The following M1AP variants were observed in gnomAD, a reference collection of about 807,000 sequenced individuals.
M1AP encodes the protein meiosis 1 associated protein.
A neutral mutation model predicts 51.2 loss-of-function variants in M1AP; 39 were observed. The ratio of observed to expected loss-of-function variants is 0.76; its 90% CI spans 0.59 to 1.00. The LOEUF (loss-of-function observed/expected upper bound fraction) is 1.00. Ranked by LOEUF, M1AP falls within the 50% of genes least tolerant of loss-of-function variation. The pLI is 0.00. For synonymous variants in M1AP, 251 were observed against 249.2 expected (o/e 1.01, Z -0.07); for missense variants, 545 against 641.2 (o/e 0.85, Z 1.62).
intron 7 of M1AP, among the ~76,000 whole-genome samples, chr2:74,571,929 G>A (rs1678766847): frequency 6.6e-6 from 1 of 151,842 alleles, no homozygotes; most frequent in Non-Finnish European, 1.5e-5. Flanking sequence ...CCAGGAGGTG[G>A]AGGTTGTGAT....
At chr2:74,567,167 A>G (rs1678446362) in intron 7 of M1AP, among the ~76,000 whole-genome samples, 1 of 152,242 alleles carries the variant, frequency 6.6e-6, no homozygotes, top group Non-Finnish European at 1.5e-5. Flanking sequence ...ACATTCCACA[A>G]AACAGCTATG....
chr2:74,587,434 G>A (rs189644170), intron 4 of M1AP, among the ~76,000 whole-genome samples: 36 of 152,232 alleles, frequency 2.4e-4, no homozygotes, highest in African/African-American at 3.6e-4. Flanking sequence ...TCCTGACCTC[G>A]TGATCCACCT....
chr2:74,586,167 C>T (rs1254753360), intron 4 of M1AP, among the ~76,000 whole-genome samples: 1 of 152,172 alleles, frequency 6.6e-6, no homozygotes, highest in Admixed American at 6.5e-5. Context: ...TTATTATAGT[C>T]CCATAGCTTT....
chr2:74,612,157 C>T (rs1573145045), intron 3 of M1AP, among the ~76,000 whole-genome samples: 1 of 151,798 alleles, frequency 6.6e-6, no homozygotes, highest in South Asian at 2.1e-4. Context: ...TCCCAAAGTG[C>T]TGGGATTACA....
At chr2:74,584,054 C>T (rs1036694511) in intron 4 of M1AP, among the ~76,000 whole-genome samples, 2 of 152,170 alleles carry the variant, frequency 1.3e-5, no homozygotes. Context: ...CCCAAACTCT[C>T]ATCTGCCTCA....
intron 7 of M1AP, among the ~76,000 whole-genome samples, chr2:74,573,724 C>T (rs893595788): frequency 2.0e-5 from 3 of 152,132 alleles, no homozygotes; most frequent in African/African-American, 7.2e-5. Flanking sequence ...GTAAATAACA[C>T]CGAGATGAAC....
chr2:74,640,437 G>T, intron 1 of M1AP, 110 bp from the exon 2 acceptor site: 2 of 903,372 alleles, frequency 2.2e-6, no homozygotes, highest in Non-Finnish European at 3.2e-6. Context: ...GTCAGATTGG[G>T]TACTAAAGCT....
chr2:74,584,448 C>CAAAAAAAA (rs772920948), intron 4 of M1AP, among the ~76,000 whole-genome samples: 1 of 73,576 alleles, frequency 1.4e-5, no homozygotes, highest in African/African-American at 4.9e-5. Context: ...GTCTCAGTTG[C>CAAAAAAAA]AAAAAAAAAA....
chr2:74,625,815 T>G (rs1017255124), intron 2 of M1AP, among the ~76,000 whole-genome samples: 3 of 152,220 alleles, frequency 2.0e-5, no homozygotes, highest in African/African-American at 7.2e-5. Context: ...CACCATATGA[T>G]TCAGGCCTCC....
intron 4 of M1AP, among the ~76,000 whole-genome samples, chr2:74,586,325 T>C (rs943391878): frequency 1.3e-5 from 2 of 152,248 alleles, no homozygotes; most frequent in African/African-American, 4.8e-5. Context: ...GGGCCTTGTA[T>C]AGAGCTGAAG....
At chr2:74,560,035 G>T in intron 9 of M1AP, 116 bp downstream of exon 9, 4 of 1,178,182 alleles carry the variant, frequency 3.4e-6, no homozygotes, top group Non-Finnish European at 4.8e-6. Flanking sequence ...CCTGGAGGAA[G>T]GCTACTCCCT....
At chr2:74,621,894 G>A (rs1321480981) in intron 2 of M1AP, among the ~76,000 whole-genome samples, 1 of 151,414 alleles carries the variant, frequency 6.6e-6, no homozygotes, top group Non-Finnish European at 1.5e-5. Flanking sequence ...GATCACTTGA[G>A]GTCAGGAGTT....
intron 8 of M1AP, chr2:74,561,906 A>G: frequency 1.0e-6 from 1 of 985,312 alleles, no homozygotes; most frequent in Non-Finnish European, 1.2e-6. Flanking sequence ...GTCCGTGTGC[A>G]TGTCGTGTGT....
At chr2:74,579,092 C>G (rs1481680552) in intron 5 of M1AP, among the ~76,000 whole-genome samples, 1 of 152,188 alleles carries the variant, frequency 6.6e-6, no homozygotes, top group Non-Finnish European at 1.5e-5. Flanking sequence ...ATAAGTTCCA[C>G]TGTGCATCCC....
chr2:74,646,425 G>GT (rs1683616928), intron 1 of M1AP, among the ~76,000 whole-genome samples: 1 of 152,188 alleles, frequency 6.6e-6, no homozygotes. Context: ...GAGGAATTTA[G>GT]TGAAGGCAAA....
chr2:74,623,586 C>A (rs1012664764), intron 2 of M1AP, among the ~76,000 whole-genome samples: 3 of 151,926 alleles, frequency 2.0e-5, no homozygotes, highest in Non-Finnish European at 2.9e-5. Context: ...GTGGGCTCCA[C>A]GCACTGATAT....
intron 2 of M1AP, chr2:74,620,977 A>G (rs578168157): frequency 2.2e-4 from 35 of 157,170 alleles, no homozygotes; most frequent in South Asian, 1.7e-3. Context: ...ATAGAGAAAC[A>G]CACCTTAAAA....
At chr2:74,648,088 C>A (rs1277186334) in intron 1 of M1AP, 177 bp downstream of exon 1, 3 of 985,344 alleles carry the variant, frequency 3.0e-6, no homozygotes, top group Admixed American at 1.2e-4. Flanking sequence ...GGGATGACTC[C>A]GACAGCGATT....
chr2:74,600,463 GT>G (rs1470740718), intron 4 of M1AP, among the ~76,000 whole-genome samples: 2 of 152,168 alleles, frequency 1.3e-5, no homozygotes, highest in Non-Finnish European at 2.9e-5. Flanking sequence ...GTTAACATTG[GT>G]TGCTAGAATT....
Sources: gnomAD v4.1 joint callset for allele counts (sites outside exome capture counted in the v4.1 genomes callset) on GRCh38, gnomAD v4.1.1 for gene constraint, MANE v1.5 for transcripts, NCBI Gene and HGNC (gene_info 2026-07-23, HGNC 2026-07-21) for gene names.